Variants in ANK3 observed in about 807,000 individuals in gnomAD.
ANK3 encodes ankyrin 3, also known as ankyrin-3.
A neutral mutation model predicts 370.9 loss-of-function variants in ANK3; 57 were observed. The ratio of observed to expected loss-of-function variants is 0.15; its 90% confidence interval spans 0.12 to 0.19. ANK3 has a LOEUF of 0.19. ANK3 is among the 10% of genes least tolerant of loss of function. ANK3 has a pLI of 1.00. For synonymous variants in ANK3, 1,929 were observed against 1,946.3 expected (o/e 0.99, Z 0.23); for missense variants, 4,439 against 5,302.1 (o/e 0.84, Z 5.06).
intron 42 of ANK3, chr10:60,043,931 A>G: frequency 1.0e-6 from 1 of 985,764 alleles, no homozygotes. Flanking sequence ...TTTTTCTTTG[A>G]CCCTGATCAA....
At chr10:60,503,967 T>G (rs2075869602) in intron 2 of ANK3, among the ~76,000 whole-genome samples, 1 of 152,154 alleles carries the variant, frequency 6.6e-6, no homozygotes, top group African/African-American at 2.4e-5. Context: ...CCAAAAAGAA[T>G]GATTCTAACA....
intron 1 of ANK3, among the ~76,000 whole-genome samples, chr10:60,339,398 C>T (rs891360194): frequency 2.0e-5 from 3 of 152,258 alleles, no homozygotes; most frequent in Admixed American, 6.5e-5. Context: ...AACATGTCAT[C>T]GTGTCCCATG....
At chr10:60,518,334 A>G (rs141667294) in intron 2 of ANK3, among the ~76,000 whole-genome samples, 177 of 152,260 alleles carry the variant, frequency 1.2e-3, no homozygotes, top group Middle Eastern at 6.8e-3. Flanking sequence ...GACACGTAGC[A>G]GGCCTATACT....
At chr10:60,191,632 C>T (rs1178445191) in intron 16 of ANK3, among the ~76,000 whole-genome samples, 4 of 152,036 alleles carry the variant, frequency 2.6e-5, no homozygotes, top group South Asian at 2.1e-4. Context: ...TTAGTAGGAA[C>T]GTAAATTAAT....
At chr10:60,637,372 C>T (rs1483443522) in intron 1 of ANK3, among the ~76,000 whole-genome samples, 1 of 152,170 alleles carries the variant, frequency 6.6e-6, no homozygotes, top group Non-Finnish European at 1.5e-5. Flanking sequence ...TACACATTCA[C>T]TTAAAGAAGA....
intron 2 of ANK3, among the ~76,000 whole-genome samples, chr10:60,461,373 T>C (rs1242882015): frequency 2.0e-5 from 3 of 152,230 alleles, no homozygotes; most frequent in African/African-American, 4.8e-5. Context: ...TTTACAGTTA[T>C]TAAAATAGTC....
chr10:60,113,154 G>T (rs995604575), intron 26 of ANK3, among the ~76,000 whole-genome samples: 10 of 151,768 alleles, frequency 6.6e-5, no homozygotes, highest in African/African-American at 2.4e-4. Context: ...ACTCGGTGTG[G>T]TTTTTAACCA....
chr10:60,463,002 C>G (rs1158565953), intron 2 of ANK3, among the ~76,000 whole-genome samples: 3 of 152,120 alleles, frequency 2.0e-5, no homozygotes, highest in Non-Finnish European at 4.4e-5. Flanking sequence ...CTCCCAGGCT[C>G]TGGTGATCCT....
intron 2 of ANK3, among the ~76,000 whole-genome samples, chr10:60,558,661 T>C (rs1297521620): frequency 6.6e-6 from 1 of 152,208 alleles, no homozygotes; most frequent in Non-Finnish European, 1.5e-5. Context: ...CCAAATCCTA[T>C]CTAACATGTA....
intron 1 of ANK3, among the ~76,000 whole-genome samples, chr10:60,279,998 T>A (rs148670562): frequency 2.6e-5 from 4 of 152,212 alleles, no homozygotes; most frequent in African/African-American, 9.6e-5. Flanking sequence ...AGCAGAAATG[T>A]AACATCTATT....
chr10:60,073,343 T>C lies in ANK3; in HGVS notation c.7538A>G (p.Glu2513Gly). 1 of 1,613,998 alleles carries C rather than the reference T, an allele frequency of 6.2e-7. No homozygotes were observed. Among genetic ancestry groups the C allele is most frequent in the Non-Finnish European group, 8.5e-7 (1 of 1,180,002 alleles). Residue 2513 changes from glutamate to glycine, a missense_variant, in exon 37 of 44, where the codon GAA becomes GGA. Transcript: ENST00000280772. ...ATCTTTATAGATTTTGGAGAGAATT[T>C]CTTTTTTGGGGGCAGTGGCTATTTT... ...REKIATAPKK[E>G]ILSKIYKDVS...
intron 2 of ANK3, among the ~76,000 whole-genome samples, chr10:60,584,949 T>C (rs542738429): frequency 2.0e-5 from 3 of 152,328 alleles, no homozygotes; most frequent in Non-Finnish European, 2.9e-5. Context: ...TATGTGGCTC[T>C]GGACAAACCT....
intron 1 of ANK3, among the ~76,000 whole-genome samples, chr10:60,710,441 T>C (rs137968837): frequency 6.0e-4 from 92 of 152,296 alleles, no homozygotes; most frequent in African/African-American, 2.1e-3. Context: ...TAACTTTTTA[T>C]AATAGAGTTT....
At chr10:60,325,075 C>A (rs1397066124) in intron 1 of ANK3, among the ~76,000 whole-genome samples, 1 of 152,158 alleles carries the variant, frequency 6.6e-6, no homozygotes, top group Admixed American at 6.5e-5. Context: ...ACACTTGAAC[C>A]AAGCTAGGCT....
intron 1 of ANK3, among the ~76,000 whole-genome samples, chr10:60,349,826 G>A (rs2056490755): frequency 6.6e-6 from 1 of 152,118 alleles, no homozygotes; most frequent in Admixed American, 6.5e-5. Context: ...GAGCAACATG[G>A]GTCTCTGGAC....
intron 2 of ANK3, among the ~76,000 whole-genome samples, chr10:60,540,900 A>G (rs1198477748): frequency 6.6e-6 from 1 of 151,984 alleles, no homozygotes; most frequent in African/African-American, 2.4e-5. Flanking sequence ...CACTCCAAGT[A>G]TATTGTAGAA....
intron 1 of ANK3, among the ~76,000 whole-genome samples, chr10:60,639,174 A>G (rs1392207552): frequency 2.0e-5 from 3 of 151,910 alleles, no homozygotes; most frequent in Non-Finnish European, 2.9e-5. Context: ...AATAAGAACG[A>G]CAGAAGATGT....
At chr10:60,275,822 T>C (rs1392338058) in intron 4 of ANK3, among the ~76,000 whole-genome samples, 1 of 152,208 alleles carries the variant, frequency 6.6e-6, no homozygotes, top group East Asian at 1.9e-4. Flanking sequence ...TCTTTATAAA[T>C]TCAGTTGGTA....
At chr10:60,217,350 AG>A (rs1203988472) in intron 8 of ANK3, among the ~76,000 whole-genome samples, 1 of 151,978 alleles carries the variant, frequency 6.6e-6, no homozygotes, top group African/African-American at 2.4e-5. Flanking sequence ...TTGTGATATT[AG>A]GGTGTCGATC....
Sources: gnomAD v4.1 joint callset for allele counts (sites outside exome capture counted in the v4.1 genomes callset) on GRCh38, gnomAD v4.1.1 for gene constraint, MANE v1.5 for transcripts, NCBI Gene and HGNC (gene_info 2026-07-23, HGNC 2026-07-21) for gene names.